The following KLF12 variants were observed in gnomAD, a reference collection of about 807,000 sequenced individuals.
KLF12 encodes the protein KLF transcription factor 12, also known as Krueppel-like factor 12.
KLF12 carries 9 observed loss-of-function variants against 37.8 expected under a neutral mutation model. That is an observed-to-expected ratio of 0.24 (90% CI 0.14 to 0.42). The LOEUF (loss-of-function observed/expected upper bound fraction) is 0.42. Among genes scored for constraint, KLF12 ranks in the 10% least tolerant of loss-of-function variants. The pLI is 1.00. For missense variants in KLF12, 411 were observed against 516.0 expected (o/e 0.80, Z 1.97); for synonymous variants, 208 against 202.1 (o/e 1.03, Z -0.25).
rs80002431 is a variant in KLF12, at chr13:73,786,437, C to G, written c.807-21437G>C. 9.8e-3 allele frequency among the ~76,000 whole-genome samples: 1,498 copies of G among 152,264 alleles called. 29 individuals carry two copies. Among genetic ancestry groups the G allele is most frequent in the African/African-American group, 0.034 (1,407 of 41,530 alleles). On this transcript the variant is annotated intron_variant, in intron 5 of 7. Transcript: ENST00000377669. Reference sequence around the variant, plus strand: ...CATTAAAAACTCTCATGTTCTACCCCTAACCCACTGGTACTATTTCACATC... The same window carrying G: ...CATTAAAAACTCTCATGTTCTACCCGTAACCCACTGGTACTATTTCACATC...
intron 1 of KLF12, among the ~76,000 whole-genome samples, chr13:74,112,393 T>TGTGTGTGC (rs1410915178): frequency 1.5e-4 from 16 of 109,538 alleles, no homozygotes; most frequent in African/African-American, 5.5e-4. Flanking sequence ...ATTGTCTGTG[T>TGTGTGTGC]GTGTGTGTGT....
At chr13:74,250,008 G>A in the KLF12 span, among the ~76,000 whole-genome samples, 1 of 152,132 alleles carries the variant, frequency 6.6e-6, no homozygotes, top group African/African-American at 2.4e-5. Context: ...TCAATTTTAG[G>A]CTCAGTAATG....
chr13:73,882,309 T>C (rs1032641572), intron 3 of KLF12, among the ~76,000 whole-genome samples: 2 of 152,206 alleles, frequency 1.3e-5, no homozygotes, highest in Non-Finnish European at 2.9e-5. Flanking sequence ...TCCTAAATCA[T>C]TCTCATTCTG....
intron 1 of KLF12, among the ~76,000 whole-genome samples, chr13:74,124,056 T>A (rs1877796294): frequency 6.6e-6 from 1 of 152,238 alleles, no homozygotes; most frequent in South Asian, 2.1e-4. Context: ...ACTGTCTTAA[T>A]TACTGTTATT....
chr13:74,010,961 T>G (rs1014243954), intron 1 of KLF12, among the ~76,000 whole-genome samples: 4 of 152,178 alleles, frequency 2.6e-5, no homozygotes, highest in African/African-American at 9.6e-5. Context: ...TTCCTACTTA[T>G]GTAGATTTTT....
intron 1 of KLF12, among the ~76,000 whole-genome samples, chr13:74,090,781 A>T (rs1593891691): frequency 6.6e-6 from 1 of 152,082 alleles, no homozygotes; most frequent in South Asian, 2.1e-4. Flanking sequence ...TATTCTTCTC[A>T]TTCTGTAGGT....
intron 6 of KLF12, among the ~76,000 whole-genome samples, chr13:73,735,694 T>C (rs1299552106): frequency 6.6e-6 from 1 of 152,224 alleles, no homozygotes; most frequent in Non-Finnish European, 1.5e-5. Flanking sequence ...GGAAGAATGG[T>C]AGCTCATCTT....
At chr13:73,827,707 C>T (rs1210015963) in intron 4 of KLF12, among the ~76,000 whole-genome samples, 2 of 152,068 alleles carry the variant, frequency 1.3e-5, no homozygotes, top group East Asian at 1.9e-4. Context: ...GGATTACAGG[C>T]ACCCATCACC....
At chr13:74,229,084 G>C in the KLF12 span, among the ~76,000 whole-genome samples, 1 of 152,216 alleles carries the variant, frequency 6.6e-6, no homozygotes, top group East Asian at 1.9e-4. Context: ...TAAACAGTAA[G>C]ACAAACAAGG....
At chr13:74,135,634 T>TGGGCCCGC (rs1566230304), upstream of KLF12, among the ~76,000 whole-genome samples, 1 of 151,338 alleles carries the variant, frequency 6.6e-6, no homozygotes, top group African/African-American at 2.4e-5. Flanking sequence ...CGGGAGGCTG[T>TGGGCCCGC]GGGCCCGCCT....
upstream of KLF12, among the ~76,000 whole-genome samples, chr13:74,135,123 C>G (rs1347179326): frequency 1.3e-5 from 2 of 151,834 alleles, no homozygotes; most frequent in Non-Finnish European, 2.9e-5. Flanking sequence ...CGGAGCGACG[C>G]ACGTTGCGGG....
At position 73,856,097 on chromosome 13, in the gene KLF12, C is replaced by T. The variant is rs551855777; in HGVS notation, c.124-9724G>A. Among the ~76,000 whole-genome samples the T allele has an allele frequency of 1.9e-4, 29 of 152,244 alleles. No individual in the cohort carries two copies. The East Asian group carries it at 5.6e-3, about 29-fold the overall frequency. On this transcript the variant is annotated intron_variant, in intron 3 of 7. Coordinates refer to ENST00000377669, the MANE Select transcript of KLF12 (RefSeq NM_007249.5). ...GGAGAATAAATTGTACAAATCAAGC[C>T]CCCATTGCCTAGACTGGTCAAGACA... is the stretch of plus-strand genomic sequence containing the variant.
intron 1 of KLF12, among the ~76,000 whole-genome samples, chr13:74,106,389 T>C (rs1876650244): frequency 6.6e-6 from 1 of 152,170 alleles, no homozygotes; most frequent in Non-Finnish European, 1.5e-5. Flanking sequence ...ATTAATATAC[T>C]TCACTACAAG....
At chr13:74,217,245 T>G in the KLF12 span, among the ~76,000 whole-genome samples, 358 of 151,828 alleles carry the variant, frequency 2.4e-3, no homozygotes, top group Non-Finnish European at 3.9e-3. Flanking sequence ...CACATAGAAA[T>G]AAGAAACCCA....
At chr13:74,131,756 A>C (rs1878270764) in intron 1 of KLF12, among the ~76,000 whole-genome samples, 1 of 152,262 alleles carries the variant, frequency 6.6e-6, no homozygotes, top group Admixed American at 6.5e-5. Flanking sequence ...TCTTAGTTCA[A>C]AATTATGAAA....
intron 2 of KLF12, among the ~76,000 whole-genome samples, chr13:73,989,368 T>C (rs1028675838): frequency 4.6e-5 from 7 of 152,216 alleles, no homozygotes; most frequent in Non-Finnish European, 8.8e-5. Flanking sequence ...ACCTATTCAA[T>C]GACCCTTTGA....
At chr13:74,241,619 C>G in the KLF12 span, among the ~76,000 whole-genome samples, 1 of 152,232 alleles carries the variant, frequency 6.6e-6, no homozygotes, top group Non-Finnish European at 1.5e-5. Flanking sequence ...GGGCGTAGGA[C>G]CCTCCAAGCC....
At chr13:73,861,016 A>G (rs1454715916) in intron 3 of KLF12, among the ~76,000 whole-genome samples, 1 of 152,242 alleles carries the variant, frequency 6.6e-6, no homozygotes, top group Non-Finnish European at 1.5e-5. Context: ...CTAATTTGAA[A>G]TACATTTTTT....
At chr13:74,007,317 C>T (rs1245045560) in intron 1 of KLF12, among the ~76,000 whole-genome samples, 1 of 151,794 alleles carries the variant, frequency 6.6e-6, no homozygotes, top group Admixed American at 6.6e-5. Flanking sequence ...TCGCTGCCTC[C>T]CAGGTTGGAG....
Sources: gnomAD v4.1 joint callset for allele counts (sites outside exome capture counted in the v4.1 genomes callset) on GRCh38, gnomAD v4.1.1 for gene constraint, MANE v1.5 for transcripts, NCBI Gene and HGNC (gene_info 2026-07-23, HGNC 2026-07-21) for gene names.